The following EDEM2 variants were observed in gnomAD, a reference collection of about 807,000 sequenced individuals.
The protein encoded by EDEM2 is ER degradation enhancing alpha-mannosidase like protein 2, also known as ER degradation-enhancing alpha-mannosidase-like protein 2.
In EDEM2, 39 loss-of-function variants were observed where a neutral mutation model predicts 64.8. That is an observed-to-expected ratio of 0.60 (90% CI 0.47 to 0.79). EDEM2 has a LOEUF of 0.79. Ranked by LOEUF, EDEM2 falls within the 30% of genes least tolerant of loss-of-function variation. EDEM2 has a pLI of 0.00. For missense variants in EDEM2, 609 were observed against 731.3 expected, an observed-to-expected ratio of 0.83 and a Z score of 1.93; for synonymous variants, 296 against 291.5, an observed-to-expected ratio of 1.02 and a Z score of -0.16.
chr20:35,116,051 C>T lies in EDEM2; in HGVS notation c.1237-118G>A. The T allele has an allele frequency of 2.7e-6, 3 of 1,127,288 alleles. No individual in the cohort carries two copies. The South Asian group carries it at 4.6e-5, about 17-fold the overall frequency. The allele number at this position is 1,127,288 out of a possible 1,614,324, so 69.8% of individuals were successfully genotyped here. ...AGCAGCTGAGGGCCTGTGAGCAAAT[C>T]ACTGAACTTTTCAGAACTTCACTCT... is the stretch of plus-strand genomic sequence containing the variant. On this transcript the variant is annotated intron_variant, in intron 10 of 10. Coordinates refer to ENST00000374492, the MANE Select transcript of EDEM2 (RefSeq NM_018217.3).
chr20:35,139,839 A>G (rs756442452), intron 4 of EDEM2, among the ~76,000 whole-genome samples: 24 of 131,302 alleles, frequency 1.8e-4, no homozygotes, highest in Admixed American at 1.9e-4. Context: ...TTATGTTTGA[A>G]GTTTTCCATA....
intron 9 of EDEM2, 29 bp from the exon 10 acceptor site, chr20:35,118,748 C>T: frequency 6.2e-7 from 1 of 1,610,476 alleles, no homozygotes; most frequent in Non-Finnish European, 8.5e-7. Context: ...ACCCTCCTCA[C>T]TCAGTGGCTG....
chr20:35,140,447 C>T (rs1031311042), intron 4 of EDEM2, among the ~76,000 whole-genome samples: 1 of 152,150 alleles, frequency 6.6e-6, no homozygotes, highest in Non-Finnish European at 1.5e-5. Context: ...CACTGCACTC[C>T]AGCCTGGGTG....
At chr20:35,125,569 A>G (rs1251601892) in intron 8 of EDEM2, among the ~76,000 whole-genome samples, 1 of 151,780 alleles carries the variant, frequency 6.6e-6, no homozygotes, top group Admixed American at 6.6e-5. Context: ...TATTTTTAGT[A>G]GAGATGGGGT....
intron 8 of EDEM2, among the ~76,000 whole-genome samples, chr20:35,125,730 G>A (rs916916336): frequency 2.6e-5 from 4 of 152,020 alleles, no homozygotes; most frequent in African/African-American, 9.7e-5. Context: ...TGTTGCCCAG[G>A]TGGGACTACT....
At chr20:35,126,449 C>T (rs975199437) in intron 7 of EDEM2, 74 bp from the exon 8 acceptor site, 61 of 1,552,580 alleles carry the variant, frequency 3.9e-5, no homozygotes, top group Non-Finnish European at 4.6e-5. Context: ...ACAGCGGAAG[C>T]GAGAACTTAC....
rs140179954 is a variant in EDEM2, at chr20:35,141,615, G to A, written c.364+758C>T. ...AAATAATGGGGAAAAATAGAACTCT[G>A]CCATCCAGAGGTGACAGCTGTTAAG... On this transcript the variant is annotated intron_variant, in intron 4 of 10. Transcript: ENST00000374492. Among the ~76,000 whole-genome samples the A allele has an allele frequency of 1.3e-3, 191 of 152,262 alleles. 1 individual carries two copies. The highest frequency in any genetic ancestry group is 4.4e-3 in the African/African-American group (181 of 41,552).
Position 35,147,215 on chromosome 20 carries a change from A to T in EDEM2, c.44T>A (p.Leu15Gln). 1 of 1,601,336 alleles carries T rather than the reference A, an allele frequency of 6.2e-7. No homozygotes were observed. Among genetic ancestry groups the T allele is most frequent in the African/African-American group, 1.3e-5 (1 of 74,798 alleles). Residue 15 changes from leucine (L) to glutamine (Q), a missense_variant, in exon 1 of 11, where the codon CTG becomes CAG. By Grantham distance (113) the Leu-to-Gln change is moderately radical. Transcript: ENST00000374492. The stretch of plus-strand genomic sequence containing the variant: ...TGGCGCACCATGGTGCTGAGGCAGC[A>T]GCGCGCACAGGAGGCCGAGCGGGAT... ...LLIPLGLLCA[L>Q]LPQHHGAPGP...
intron 5 of EDEM2, among the ~76,000 whole-genome samples, chr20:35,136,367 C>T (rs182687937): frequency 3.9e-5 from 6 of 152,268 alleles, no homozygotes; most frequent in Non-Finnish European, 7.3e-5. Context: ...TGCAAGGAGA[C>T]GCTCAAGCCA....
rs199925808 is a variant in EDEM2, at chr20:35,147,181, G to C, written c.78C>G (p.Asp26Glu). The C allele has an allele frequency of 4.4e-6, 7 of 1,602,404 alleles. No individual in the cohort carries two copies. In the African/African-American group the frequency reaches 6.7e-5, roughly 15 times the overall value. Residue 26 changes from aspartate (D) to glutamate (E), a missense_variant, in exon 1 of 11, where the codon GAC becomes GAG. Physicochemically the swap from Asp to Glu is conservative, Grantham distance 45. Transcript: ENST00000374492. ...LPQHHGAPGP[D>E]GSAPDPAHYR... ...AGTGGGCGGGATCTGGCGCGGAGCC[G>C]TCGGGACCTGGCGCACCATGGTGCT...
chr20:35,115,957 A>T, intron 10 of EDEM2, 24 bp from the exon 11 acceptor site: 1 of 1,604,146 alleles, frequency 6.2e-7, no homozygotes, highest in Non-Finnish European at 8.5e-7. Flanking sequence ...GAAGGAAGCA[A>T]GCTGGAACAC....
chr20:35,134,985 C>T (rs1225185885), intron 5 of EDEM2, 36 bp from the exon 6 acceptor site: 1 of 1,604,310 alleles, frequency 6.2e-7, no homozygotes, highest in Non-Finnish European at 8.5e-7. Flanking sequence ...CGGACAGGAG[C>T]AGGGGGATAG....
chr20:35,135,468 TG>T (rs2085563365), intron 5 of EDEM2, among the ~76,000 whole-genome samples: 1 of 152,156 alleles, frequency 6.6e-6, no homozygotes, highest in Non-Finnish European at 1.5e-5. Context: ...CTGGCCAACA[TG>T]GTGAAACCCT....
chr20:35,116,952 G>A (rs12481340), intron 10 of EDEM2, among the ~76,000 whole-genome samples: 2,030 of 152,124 alleles, frequency 0.013, 17 homozygotes, highest in Middle Eastern at 0.041. Context: ...ACCACACCCA[G>A]GTAATTTTTT....
At chr20:35,134,475 C>T (rs1243651712) in intron 6 of EDEM2, among the ~76,000 whole-genome samples, 1 of 152,216 alleles carries the variant, frequency 6.6e-6, no homozygotes, top group East Asian at 1.9e-4. Flanking sequence ...ACATACGACC[C>T]TCTTCCTAGA....
rs528322931 is a variant in EDEM2 at position 35,131,929 on chromosome 20, G to T, written c.703-146C>A. 256 of 933,962 alleles carry T rather than the reference G, an allele frequency of 2.7e-4. No individual in the cohort carries two copies. The African/African-American group carries it at 3.3e-3, about 12-fold the overall frequency. 57.9% of individuals were successfully genotyped at this position (933,962 alleles called of 1,614,324 possible). On this transcript the variant is annotated intron_variant, in intron 6 of 10. Coordinates refer to ENST00000374492, the MANE Select transcript of EDEM2 (RefSeq NM_018217.3). ...AACATGCAGACCCTGAGAGGGAAGG[G>T]CAATGCTGGATCATGGCCAGCCTTC...
At chr20:35,146,423 C>A (rs1367851889) in intron 2 of EDEM2, among the ~76,000 whole-genome samples, 1 of 152,100 alleles carries the variant, frequency 6.6e-6, no homozygotes, top group Non-Finnish European at 1.5e-5. Flanking sequence ...GCACGGGGCA[C>A]ACCAACTACA....
At chr20:35,135,085 A>T in intron 5 of EDEM2, 136 bp from the exon 6 acceptor site, 1 of 876,776 alleles carries the variant, frequency 1.1e-6, no homozygotes. Context: ...GAGCCAGAGA[A>T]AGATAAATGT....
At chr20:35,116,076 T>C in intron 10 of EDEM2, 143 bp from the exon 11 acceptor site, 1 of 868,348 alleles carries the variant, frequency 1.2e-6, no homozygotes, top group Non-Finnish European at 1.7e-6. Flanking sequence ...AACTTCACTC[T>C]TTCCCAAGCC....
Sources: gnomAD v4.1 joint callset for allele counts (sites outside exome capture counted in the v4.1 genomes callset) on GRCh38, gnomAD v4.1.1 for gene constraint, MANE v1.5 for transcripts, NCBI Gene and HGNC (gene_info 2026-07-23, HGNC 2026-07-21) for gene names.